Variants in CELSR2 observed in about 807,000 individuals in gnomAD.
CELSR2 encodes the protein EGF-like protein 2.
CELSR2 carries 81 observed loss-of-function variants against 251.6 expected under a neutral mutation model. The observed-to-expected ratio is 0.32, with a 90% CI of 0.27 to 0.39. The LOEUF (loss-of-function observed/expected upper bound fraction) is 0.39. Ranked by LOEUF, CELSR2 falls within the 10% of genes least tolerant of loss-of-function variation. The probability of loss-of-function intolerance (pLI) is 1.00; values close to 1 mark genes in which losing one functional copy is unlikely to be tolerated. For missense variants in CELSR2, 3,365 were observed against 3,947.7 expected (o/e 0.85, Z 3.96); for synonymous variants, 1,721 against 1,670.5 (o/e 1.03, Z -0.74).
intron 1 of CELSR2, among the ~76,000 whole-genome samples, chr1:109,254,135 G>C (rs596773): frequency 1.3e-5 from 2 of 152,130 alleles, no homozygotes; most frequent in Non-Finnish European, 2.9e-5. Context: ...CTGAGGCCTC[G>C]TGGGCCCCCC....
At position 109,264,283 on chromosome 1, in the gene CELSR2, G is replaced by A; in HGVS notation, c.5207G>A (p.Gly1736Asp). The A allele has an allele frequency of 6.2e-7, 1 of 1,613,984 alleles. No homozygotes were observed. The highest frequency in any genetic ancestry group is 8.5e-7 in the Non-Finnish European group (1 of 1,180,014). ...GGCAACCTGGGCCCCCGGCTGCATGGTCTGCACCTGAGCAACATAACAGTG... is the reference window on the plus strand; with the variant it reads ...GGCAACCTGGGCCCCCGGCTGCATGATCTGCACCTGAGCAACATAACAGTG... ...AEGNLGPRLH[G>D]LHLSNITVGG... is the part of the protein sequence containing the mutation. Residue 1736 changes from glycine to aspartate, a missense_variant, in exon 10 of 34, where the codon GGT becomes GAT. By Grantham distance (94) the Gly-to-Asp change is moderately conservative. This residue lies in a region of CELSR2 where 2,093 missense variants were observed against 2,382.8 expected (regional missense o/e 0.88). Coordinates refer to ENST00000271332, the MANE Select transcript of CELSR2 (RefSeq NM_001408.3).
At chr1:109,267,284 CAA>C (rs1656226227) in intron 15 of CELSR2, among the ~76,000 whole-genome samples, 1 of 152,154 alleles carries the variant, frequency 6.6e-6, no homozygotes, top group Non-Finnish European at 1.5e-5. Flanking sequence ...GCGGAGAGCA[CAA>C]AGTGGTGGCT....
chr1:109,268,830 G>T (rs377663402), intron 18 of CELSR2, 50 bp from the exon 19 acceptor site: 5 of 1,584,274 alleles, frequency 3.2e-6, no homozygotes, highest in Non-Finnish European at 4.3e-6. Flanking sequence ...CGGCTGTGCT[G>T]GGGTCCTGCC....
intron 5 of CELSR2, 143 bp downstream of exon 5, chr1:109,262,039 A>C (rs1570783994): frequency 9.4e-7 from 1 of 1,064,732 alleles, no homozygotes; most frequent in Non-Finnish European, 1.4e-6. Context: ...GGAAGGTGCC[A>C]CCTTGCTGGG....
Position 109,261,564 on chromosome 1 carries a change from T to C in CELSR2, c.4233T>C (p.Asn1411=). The change falls in exon 4 of 34, where the codon AAT becomes AAC. Residue 1411 remains asparagine, a synonymous_variant. Coordinates refer to ENST00000271332, the MANE Select transcript of CELSR2 (RefSeq NM_001408.3). This position sits in a 1 kb window ranked among gnomAD's most constrained non-coding sequence, Gnocchi z 4.8. ...DGLLLYNGRF[N]EKHDFVALEV... ...TGCTGTTGTACAATGGGCGTTTCAA[T>C]GAGAAGCATGACTTTGTGGCCCTCG... is the stretch of plus-strand genomic sequence containing the variant. 1.2e-6 allele frequency: 2 copies of C among 1,614,186 alleles called. No individual in the cohort carries two copies.
At position 109,251,584 on chromosome 1, in the gene CELSR2, C is replaced by A; in HGVS notation, c.1505C>A (p.Ala502Asp). The A allele has an allele frequency of 1.9e-6, 3 of 1,613,862 alleles. No homozygotes were observed. The highest frequency in any genetic ancestry group is 2.5e-6 in the Non-Finnish European group (3 of 1,180,016). Reference protein sequence around the residue: ...TVQVLDINDNAPIFVSTPFQA... With the variant: ...TVQVLDINDNDPIFVSTPFQA... ...CAGGTCCTGGATATCAACGACAATG[C>A]CCCCATCTTCGTCAGCACCCCTTTC... is the stretch of plus-strand genomic sequence containing the variant. Residue 502 changes from alanine to aspartate, a missense_variant, in exon 1 of 34, where the codon GCC becomes GAC. Physicochemically the swap from Ala to Asp is moderately radical, Grantham distance 126. Transcript: ENST00000271332. This position sits in a 1 kb window ranked among gnomAD's most constrained non-coding sequence, Gnocchi z 4.9.
intron 24 of CELSR2, 120 bp from the exon 25 acceptor site, chr1:109,270,807 A>G: frequency 1.0e-6 from 1 of 987,844 alleles, no homozygotes; most frequent in Non-Finnish European, 1.5e-6. Context: ...GTAGGGGCCG[A>G]TGGTGGGCAG....
Position 109,261,767 on chromosome 1 carries a change from G to A in CELSR2, c.4298-41G>A. 2 of 1,566,344 alleles carry A rather than the reference G, an allele frequency of 1.3e-6. No individual in the cohort carries two copies. Among genetic ancestry groups the A allele is most frequent in the Non-Finnish European group, 1.7e-6 (2 of 1,150,310 alleles). On this transcript the variant is annotated intron_variant, in intron 4 of 33. Transcript: ENST00000271332. This position sits in a 1 kb window ranked among gnomAD's most constrained non-coding sequence, Gnocchi z 4.8. ...GGCACCCCAAACCCTGCCATTCCTA[G>A]CCCTCGTCAGGCATTCCAGCTCACC... is the stretch of plus-strand genomic sequence containing the variant.
At position 109,273,491 on chromosome 1, in the gene CELSR2, G is replaced by A. The variant is rs1400202376; in HGVS notation, c.8565G>A (p.Arg2855=). ...PTISEKSSLL[R]LPLEQCTGSS... is the part of the protein sequence containing the mutation. ...TCAGCGAGAAGAGCAGCCTCCTGCG[G>A]CTCCCCCTGGAGCAATGCACAGGGT... is the stretch of plus-strand genomic sequence containing the variant. Residue 2855 remains arginine, a synonymous_variant, in exon 33 of 34, where the codon CGG becomes CGA. Transcript: ENST00000271332. 22 of 1,611,590 alleles carry A rather than the reference G, an allele frequency of 1.4e-5. No individual in the cohort carries two copies. The highest frequency in any genetic ancestry group is 2.2e-5 in the East Asian group (1 of 44,764).
At chr1:109,262,178 C>T (rs909418121) in intron 5 of CELSR2, 109 bp from the exon 6 acceptor site, 33 of 1,444,588 alleles carry the variant, frequency 2.3e-5, no homozygotes, top group Admixed American at 3.9e-5. Context: ...CATGTGTGTA[C>T]GTGTGTCTGG....
rs759654090 is a variant in CELSR2 at position 109,261,017 on chromosome 1, C to T, written c.3959-25C>T. ...CCCTCCTGTCCTCAGGTACTTGGTA[C>T]TCACCTGCCTTTCCTCTTGTCCAGG... On this transcript the variant is annotated intron_variant, in intron 2 of 33. Coordinates refer to ENST00000271332, the MANE Select transcript of CELSR2 (RefSeq NM_001408.3). The surrounding 1 kb of genome is among the most constrained non-coding windows in gnomAD (Gnocchi z 4.8). 2.5e-6 allele frequency: 4 copies of T among 1,573,806 alleles called. No individual in the cohort carries two copies. The highest frequency in any genetic ancestry group is 3.5e-6 in the Non-Finnish European group (4 of 1,151,334).
At position 109,265,282 on chromosome 1, in the gene CELSR2, A is replaced by C; in HGVS notation, c.5698A>C (p.Asn1900His). Residue 1900 changes from asparagine (N) to histidine (H), a missense_variant, in exon 13 of 34, where the codon AAC (asparagine) becomes CAC (histidine). Physicochemically the swap from Asn to His is moderately conservative, Grantham distance 68 (BLOSUM62 1). Coordinates refer to ENST00000271332, the MANE Select transcript of CELSR2 (RefSeq NM_001408.3). ...CAGCAAAGGCTTTGACCCAGACTGC[A>C]ACAAGACAAGCGGCGAGTGCCACTG... The part of the protein sequence containing the change: ...DVSKGFDPDC[N>H]KTSGECHCKE... 2 of 1,611,300 alleles carry C rather than the reference A, an allele frequency of 1.2e-6. No individual in the cohort carries two copies. Among genetic ancestry groups the C allele is most frequent in the Non-Finnish European group, 1.7e-6 (2 of 1,178,576 alleles).
At position 109,274,449 on chromosome 1, in the gene CELSR2, T is replaced by G; in HGVS notation, c.*400T>G. ...ACCTCCCAGGATGCTTCCCAGCCTCTCCTCAGTTTCCCATCTGCTGTGCCT... is the reference window on the plus strand; with the variant it reads ...ACCTCCCAGGATGCTTCCCAGCCTCGCCTCAGTTTCCCATCTGCTGTGCCT... On this transcript the variant is annotated 3_prime_UTR_variant, in exon 34 of 34. Transcript: ENST00000271332. The G allele has an allele frequency of 4.3e-6, 1 of 232,756 alleles. No individual in the cohort carries two copies. The highest frequency in any genetic ancestry group is 8.4e-6 in the Non-Finnish European group (1 of 119,350). 14.4% of individuals were successfully genotyped at this position (232,756 alleles called of 1,614,324 possible). A position where few individuals can be genotyped will look rare whatever the true frequency, so the allele number is the denominator to read the frequency against.
At chr1:109,257,699 C>T (rs12746961) in intron 1 of CELSR2, among the ~76,000 whole-genome samples, 8,563 of 152,254 alleles carry the variant, frequency 0.056, 330 homozygotes, top group Non-Finnish European at 0.088. Context: ...CCAGGCCCTT[C>T]TATCTCTGCC....
At position 109,269,457 on chromosome 1, in the gene CELSR2, G is replaced by A; in HGVS notation, c.6846G>A (p.Val2282=). ...VPKRPIINTP[V]VSISVHDDEE... Reference sequence around the variant, plus strand: ...AACGCCCGATCATCAACACACCCGTGGTGAGCATCAGCGTCCATGATGATG... The same window carrying A: ...AACGCCCGATCATCAACACACCCGTAGTGAGCATCAGCGTCCATGATGATG... The change falls in exon 21 of 34, where the codon GTG becomes GTA. Residue 2282 remains valine (V), a synonymous_variant. Coordinates refer to ENST00000271332, the MANE Select transcript of CELSR2 (RefSeq NM_001408.3). This position sits in a 1 kb window ranked among gnomAD's most constrained non-coding sequence, Gnocchi z 6.4. 1 of 1,614,028 alleles carries A rather than the reference G, an allele frequency of 6.2e-7. No individual in the cohort carries two copies. The highest frequency in any genetic ancestry group is 8.5e-7 in the Non-Finnish European group (1 of 1,179,998).
chr1:109,252,764 CA>C lies in CELSR2; in HGVS notation c.2687del (p.Lys896ArgfsTer12), dbSNP rs759318308. 6.2e-7 allele frequency: 1 copy of C among 1,614,036 alleles called. No homozygotes were observed. Among genetic ancestry groups the C allele is most frequent in the Non-Finnish European group, 8.5e-7 (1 of 1,180,032 alleles). On this transcript the variant is annotated frameshift_variant, in exon 1 of 34. Coordinates refer to ENST00000271332, the MANE Select transcript of CELSR2 (RefSeq NM_001408.3). LOFTEE classifies it high-confidence loss of function. This position sits in a 1 kb window ranked among gnomAD's most constrained non-coding sequence, Gnocchi z 4.8. ...QYVLRAYAVD[K>X]GMPPARTPME... ...ATGTCTTGCGGGCATATGCAGTGGA[CA>C]AGGGGATGCCCCCAGCCCGCACACC...
rs749408076 is a variant in CELSR2 at position 109,267,909 on chromosome 1, C to T, written c.6167C>T (p.Ala2056Val). Reference protein sequence around the residue: ...GLDSGRSQQLALLLRNATQHT... With the variant: ...GLDSGRSQQLVLLLRNATQHT... The stretch of plus-strand genomic sequence containing the variant: ...GACTCAGGGCGCTCCCAGCAGCTAG[C>T]CCTGCTCCTGCGCAACGCCACGCAG... Residue 2056 changes from alanine to valine, a missense_variant, in exon 17 of 34, where the codon GCC (alanine) becomes GTC (valine). Ala to Val is a moderately conservative substitution (Grantham distance 64). Transcript: ENST00000271332. 5.0e-6 allele frequency: 8 copies of T among 1,611,002 alleles called. No individual in the cohort carries two copies. Among genetic ancestry groups the T allele is most frequent in the Non-Finnish European group, 6.8e-6 (8 of 1,179,630 alleles).
At chr1:109,272,458 T>A (rs2101282876) in intron 29 of CELSR2, 53 bp downstream of exon 29, 1 of 1,573,170 alleles carries the variant, frequency 6.4e-7, no homozygotes, top group Non-Finnish European at 8.7e-7. Context: ...CCACGCATGC[T>A]GGACCCAGGC....
At position 109,268,968 on chromosome 1, in the gene CELSR2, C is replaced by A. The variant is rs1261893312; in HGVS notation, c.6591C>A (p.Asp2197Glu). 6.2e-7 allele frequency: 1 copy of A among 1,613,568 alleles called. No homozygotes were observed. Among genetic ancestry groups the A allele is most frequent in the Non-Finnish European group, 8.5e-7 (1 of 1,179,678 alleles). ...YEALRGEQPP[D>E]LETTVILPES... The stretch of plus-strand genomic sequence containing the variant: ...CCCTGCGTGGGGAGCAGCCCCCGGA[C>A]CTTGAGACAACAGTCATTCTGCCTG... The change falls in exon 19 of 34, where the codon GAC becomes GAA. Residue 2197 changes from aspartate (D) to glutamate (E), a missense_variant. Around this residue, in one of 5 missense-constraint regions of CELSR2, gnomAD observed 2,093 missense variants for 2,382.8 expected, o/e 0.88. Coordinates refer to ENST00000271332, the MANE Select transcript of CELSR2 (RefSeq NM_001408.3).
Sources: allele counts gnomAD v4.1 joint callset (sites outside exome capture counted in the v4.1 genomes callset), GRCh38; gene constraint gnomAD v4.1.1; regional missense constraint gnomAD v4.1.1; non-coding constraint Gnocchi (gnomAD v3.1); transcripts MANE v1.5; gene names NCBI Gene and HGNC (gene_info 2026-07-23, HGNC 2026-07-21).